The following DGKG variants were observed in gnomAD, a reference collection of about 807,000 sequenced individuals.
DGKG encodes the protein diacylglycerol kinase gamma.
DGKG carries 78 observed loss-of-function variants against 105.3 expected under a neutral mutation model. The observed-to-expected ratio is 0.74, with a 90% CI of 0.62 to 0.89. DGKG has a LOEUF of 0.89. Among genes scored for constraint, DGKG ranks in the 40% least tolerant of loss-of-function variants. The probability of loss-of-function intolerance (pLI) is 0.00; values close to 1 mark genes in which losing one functional copy is unlikely to be tolerated. For missense variants in DGKG, 958 were observed against 1,020.1 expected, an observed-to-expected ratio of 0.94 and a Z score of 0.83; for synonymous variants, 346 against 367.1, an observed-to-expected ratio of 0.94 and a Z score of 0.66.
chr3:186,340,706 T>G (rs1269057720), intron 1 of DGKG, among the ~76,000 whole-genome samples: 15 of 152,168 alleles, frequency 9.9e-5, no homozygotes, highest in Non-Finnish European at 4.4e-5. Context: ...TCTCCAAAAC[T>G]AAACAACTAA....
chr3:186,355,637 A>G (rs1726913065), intron 1 of DGKG, among the ~76,000 whole-genome samples: 1 of 151,580 alleles, frequency 6.6e-6, no homozygotes, highest in African/African-American at 2.4e-5. Flanking sequence ...TGCCACCACT[A>G]TCACCAGCAC....
intron 21 of DGKG, among the ~76,000 whole-genome samples, chr3:186,205,319 T>C (rs977034053): frequency 4.1e-4 from 61 of 149,744 alleles, no homozygotes; most frequent in Middle Eastern, 7.0e-3. Flanking sequence ...CATGGAGTGA[T>C]CTCAAGAACA....
intron 22 of DGKG, among the ~76,000 whole-genome samples, chr3:186,177,799 G>A (rs1717155664): frequency 6.6e-6 from 1 of 152,106 alleles, no homozygotes; most frequent in African/African-American, 2.4e-5. Context: ...ATTATGCAAT[G>A]GTTTTGTCCC....
At chr3:186,190,380 A>T (rs1717847239) in intron 21 of DGKG, among the ~76,000 whole-genome samples, 1 of 152,208 alleles carries the variant, frequency 6.6e-6, no homozygotes, top group Non-Finnish European at 1.5e-5. Flanking sequence ...ACGGGATCTA[A>T]TGGGGGCAGG....
intron 1 of DGKG, among the ~76,000 whole-genome samples, chr3:186,355,193 A>ACCG (rs1416290754): frequency 0.076 from 2,417 of 31,696 alleles, 100 homozygotes; most frequent in African/African-American, 0.27. Flanking sequence ...CACCACCATC[A>ACCG]ATACCACCAC....
In DGKG at chr3:186,149,098, G is replaced by A. The variant is rs1715636759; in HGVS notation, c.*992C>T. 1.0e-6 allele frequency: 1 copy of A among 984,948 alleles called. No homozygotes were observed. The highest frequency in any genetic ancestry group is 1.2e-6 in the Non-Finnish European group (1 of 829,784). The allele number at this position is 984,948 out of a possible 1,614,324, so 61.0% of individuals were successfully genotyped here. On this transcript the variant is annotated 3_prime_UTR_variant, in exon 25 of 25. Coordinates refer to ENST00000265022, the MANE Select transcript of DGKG (RefSeq NM_001346.3). ...TGGGAGTGGTGAGTGCAAAGAAGCA[G>A]GAGGGAACCGTCTCCTGGTTTCCCC...
At chr3:186,234,147 T>C (rs1720298122) in intron 20 of DGKG, among the ~76,000 whole-genome samples, 1 of 152,272 alleles carries the variant, frequency 6.6e-6, no homozygotes, top group Admixed American at 6.5e-5. Context: ...TTTTCATTGA[T>C]TAATTGTGCA....
intron 1 of DGKG, among the ~76,000 whole-genome samples, chr3:186,350,003 G>A (rs1726550071): frequency 6.6e-6 from 1 of 151,884 alleles, no homozygotes; most frequent in Non-Finnish European, 1.5e-5. Flanking sequence ...TCATGCCTCA[G>A]CCTCCCGAGT....
At chr3:186,185,513 G>T (rs573420217) in intron 22 of DGKG, among the ~76,000 whole-genome samples, 6 of 152,150 alleles carry the variant, frequency 3.9e-5, no homozygotes, top group Admixed American at 1.3e-4. Context: ...CTCATCAAGA[G>T]CTTCCCCCAG....
chr3:186,263,787 G>A (rs1333925715), intron 14 of DGKG, among the ~76,000 whole-genome samples: 2 of 152,086 alleles, frequency 1.3e-5, no homozygotes, highest in African/African-American at 4.8e-5. Context: ...AAGAGTGGGT[G>A]CTCAGCAAAT....
rs1157798911 is a variant in DGKG, at chr3:186,148,024, C to T, written c.*2066G>A. 1 of 985,460 alleles carries T rather than the reference C, an allele frequency of 1.0e-6. No homozygotes were observed. The highest frequency in any genetic ancestry group is 1.2e-6 in the Non-Finnish European group (1 of 829,954). 61.0% of individuals were successfully genotyped at this position (985,460 alleles called of 1,614,324 possible). A position where few individuals can be genotyped will look rare whatever the true frequency, so the allele number is the denominator to read the frequency against. ...CACAGTTAAGTGCCATTTGTACACA[C>T]AATCTTAATATTCCCTTCTTTGTCC... On this transcript the variant is annotated 3_prime_UTR_variant, in exon 25 of 25. Coordinates refer to ENST00000265022, the MANE Select transcript of DGKG (RefSeq NM_001346.3).
intron 21 of DGKG, among the ~76,000 whole-genome samples, chr3:186,197,705 G>A (rs1718252077): frequency 6.6e-6 from 1 of 152,116 alleles, no homozygotes; most frequent in South Asian, 2.1e-4. Flanking sequence ...CTGAGGGAGA[G>A]GGTTAGCTGA....
intron 5 of DGKG, among the ~76,000 whole-genome samples, chr3:186,297,068 T>TCTCACACACACA (rs1452573661): frequency 0.011 from 1,434 of 130,486 alleles, 16 homozygotes; most frequent in African/African-American, 0.032. Context: ...TCTGTCTCTC[T>TCTCACACACACA]CACACACACA....
In DGKG at chr3:186,242,274, C is replaced by T. The variant is rs538663333; in HGVS notation, c.1826+230G>A. The stretch of plus-strand genomic sequence containing the variant: ...CCCTTCATACCCACCTCCTGCCCTC[C>T]AGCCCTGCCCTCTGCACAGATCCTT... On this transcript the variant is annotated intron_variant, in intron 20 of 24. Coordinates refer to ENST00000265022, the MANE Select transcript of DGKG (RefSeq NM_001346.3). Among the ~76,000 whole-genome samples, 9 of 152,350 alleles carry T rather than the reference C, an allele frequency of 5.9e-5. No homozygotes were observed. In the South Asian group the frequency reaches 1.7e-3, roughly 28 times the overall value.
intron 5 of DGKG, among the ~76,000 whole-genome samples, chr3:186,293,584 T>G (rs1723409107): frequency 6.6e-6 from 1 of 152,240 alleles, no homozygotes; most frequent in African/African-American, 2.4e-5. Flanking sequence ...GATAGATTGC[T>G]CAGGCCTCCG....
At chr3:186,201,333 G>A (rs1168802681) in intron 21 of DGKG, among the ~76,000 whole-genome samples, 1 of 151,950 alleles carries the variant, frequency 6.6e-6, no homozygotes, top group Non-Finnish European at 1.5e-5. Context: ...CAGGGATCAT[G>A]GGCAGGTAGG....
At chr3:186,242,698 T>C (rs928942638) in intron 19 of DGKG, 130 bp from the exon 20 acceptor site, 1 of 701,364 alleles carries the variant, frequency 1.4e-6, no homozygotes, top group Non-Finnish European at 2.3e-6. Flanking sequence ...ATGGTGGGGC[T>C]CCAGGTCACA....
At chr3:186,160,029 A>G (rs1716218598) in intron 24 of DGKG, 3 of 328,938 alleles carry the variant, frequency 9.1e-6, no homozygotes, top group Non-Finnish European at 1.3e-5. Flanking sequence ...GTCAGCCTCC[A>G]GAACTGTGAG....
At chr3:186,280,600 T>G in intron 8 of DGKG, 70 bp downstream of exon 8, 1 of 1,231,130 alleles carries the variant, frequency 8.1e-7, no homozygotes. Flanking sequence ...CACTCATTCA[T>G]GTCTTGAGTG....
Sources: gnomAD v4.1 joint callset for allele counts (sites outside exome capture counted in the v4.1 genomes callset) on GRCh38, gnomAD v4.1.1 for gene constraint, MANE v1.5 for transcripts, NCBI Gene and HGNC (gene_info 2026-07-23, HGNC 2026-07-21) for gene names.